SLC1A2: variants seen among roughly 807,000 people sequenced by gnomAD.
The protein encoded by SLC1A2 is excitatory amino acid transporter 2.
SLC1A2 carries 15 observed loss-of-function variants against 48.8 expected under a neutral mutation model. The ratio of observed to expected loss-of-function variants is 0.31; its 90% CI spans 0.21 to 0.47. The LOEUF is 0.47. SLC1A2 is among the 20% of genes least tolerant of loss of function. The probability of loss-of-function intolerance (pLI) is 0.99; values close to 1 mark genes in which losing one functional copy is unlikely to be tolerated. For missense variants in SLC1A2, 502 were observed against 730.5 expected (o/e 0.69, Z 3.61); for synonymous variants, 279 against 272.6 (o/e 1.02, Z -0.23).
At chr11:35,340,002 G>A (rs1590205470) in intron 1 of SLC1A2, among the ~76,000 whole-genome samples, 1 of 152,268 alleles carries the variant, frequency 6.6e-6, no homozygotes, top group Non-Finnish European at 1.5e-5. Context: ...ATCCCTCAAT[G>A]ACCCTAAAAT....
chr11:35,341,225 G>A lies in SLC1A2; in HGVS notation c.18-23709C>T, dbSNP rs115002516. Among the ~76,000 whole-genome samples, 444 of 152,252 alleles carry A rather than the reference G, an allele frequency of 2.9e-3. 3 individuals are homozygous for A. Among genetic ancestry groups the A allele is most frequent in the African/African-American group, 0.01 (425 of 41,544 alleles). On this transcript the variant is annotated intron_variant, in intron 1 of 10. Coordinates refer to ENST00000278379, the MANE Select transcript of SLC1A2 (RefSeq NM_004171.4). ...TTGCCTCCTAGGGAGGTCCCAGGCCGGAGAGGTAGAGGGGAGAAGTGGGGG... is the reference window on the plus strand; with the variant it reads ...TTGCCTCCTAGGGAGGTCCCAGGCCAGAGAGGTAGAGGGGAGAAGTGGGGG...
intron 6 of SLC1A2, among the ~76,000 whole-genome samples, chr11:35,294,478 G>A (rs114547056): frequency 0.011 from 1,708 of 152,174 alleles, 35 homozygotes; most frequent in African/African-American, 0.039. Context: ...AATTATCAAG[G>A]TAGTCTCAGG....
chr11:35,273,182 G>A (rs1369749621), intron 9 of SLC1A2, among the ~76,000 whole-genome samples: 1 of 152,186 alleles, frequency 6.6e-6, no homozygotes, highest in Non-Finnish European at 1.5e-5. Flanking sequence ...TGCCTCTCAG[G>A]ATGCATGGTG....
chr11:35,334,586 G>A (rs1414839795), intron 1 of SLC1A2, among the ~76,000 whole-genome samples: 2 of 152,182 alleles, frequency 1.3e-5, no homozygotes, highest in Non-Finnish European at 2.9e-5. Flanking sequence ...AATCATTGAT[G>A]ACTGACTAGC....
At chr11:35,339,850 G>A (rs1322955621) in intron 1 of SLC1A2, among the ~76,000 whole-genome samples, 2 of 152,162 alleles carry the variant, frequency 1.3e-5, no homozygotes, top group African/African-American at 4.8e-5. Context: ...TCTCAAATGA[G>A]AGGGTGACTC....
At chr11:35,356,148 T>C (rs771499376) in intron 1 of SLC1A2, among the ~76,000 whole-genome samples, 25 of 152,238 alleles carry the variant, frequency 1.6e-4, no homozygotes, top group Non-Finnish European at 3.2e-4. Flanking sequence ...TATAACTTTG[T>C]ACTTAGCTAC....
At chr11:35,320,995 A>C (rs775738377) in intron 1 of SLC1A2, among the ~76,000 whole-genome samples, 9 of 152,188 alleles carry the variant, frequency 5.9e-5, no homozygotes, top group Non-Finnish European at 1.3e-4. Context: ...CAAAGGAAAG[A>C]GGTTTGACTC....
intron 1 of SLC1A2, among the ~76,000 whole-genome samples, chr11:35,337,974 C>T (rs1565256436): frequency 6.6e-6 from 1 of 152,072 alleles, no homozygotes; most frequent in Non-Finnish European, 1.5e-5. Context: ...TAAATAATAA[C>T]AATATAATAA....
intron 4 of SLC1A2, among the ~76,000 whole-genome samples, chr11:35,306,678 C>A (rs1057395587): frequency 1.3e-5 from 2 of 152,120 alleles, no homozygotes; most frequent in African/African-American, 4.8e-5. Flanking sequence ...TCCCTTCGTC[C>A]TTCCCCTTTC....
At chr11:35,360,483 C>A (rs569717780) in intron 1 of SLC1A2, among the ~76,000 whole-genome samples, 63 of 152,328 alleles carry the variant, frequency 4.1e-4, no homozygotes, top group Non-Finnish European at 6.3e-4. Flanking sequence ...CTTCCAACCC[C>A]AGTGACCATT....
intron 8 of SLC1A2, among the ~76,000 whole-genome samples, chr11:35,282,088 G>T (rs1056253233): frequency 1.3e-5 from 2 of 152,008 alleles, no homozygotes; most frequent in African/African-American, 4.8e-5. Context: ...AAGGCCCCTG[G>T]AGAGCCTGTG....
At chr11:35,305,989 T>G in intron 5 of SLC1A2, 85 bp downstream of exon 5, 1 of 1,275,506 alleles carries the variant, frequency 7.8e-7, no homozygotes, top group South Asian at 1.3e-5. Flanking sequence ...AGAGGACAGC[T>G]GAGTCATCAG....
chr11:35,274,921 T>C (rs1169117317), intron 9 of SLC1A2, among the ~76,000 whole-genome samples: 1 of 152,150 alleles, frequency 6.6e-6, no homozygotes, highest in African/African-American at 2.4e-5. Context: ...TGTCAAGAGT[T>C]AACTCAAAAA....
intron 1 of SLC1A2, among the ~76,000 whole-genome samples, chr11:35,368,062 C>A (rs955450591): frequency 6.6e-6 from 1 of 152,156 alleles, no homozygotes; most frequent in Non-Finnish European, 1.5e-5. Flanking sequence ...AAAGTTTAAT[C>A]CTTGTCATAC....
At chr11:35,272,675 G>A (rs951127591) in intron 9 of SLC1A2, among the ~76,000 whole-genome samples, 2 of 152,162 alleles carry the variant, frequency 1.3e-5, no homozygotes, top group Non-Finnish European at 2.9e-5. Flanking sequence ...TGTCTTTCGC[G>A]TTGCCCTCAA....
intron 1 of SLC1A2, among the ~76,000 whole-genome samples, chr11:35,368,172 GC>G (rs1853924530): frequency 6.6e-6 from 1 of 152,136 alleles, no homozygotes; most frequent in Admixed American, 6.5e-5. Flanking sequence ...CATCTCATGT[GC>G]CCCCTAAAAT....
chr11:35,334,678 T>TAGAGCAATGACTAG lies in SLC1A2; in HGVS notation c.18-17176_18-17163dup, dbSNP rs564384980. ...CAGTAGCCCCAAGATTAGAACTCTC[T>TAGAGCAATGACTAG]AGAGCAATGACTAGAGAGCAATGCT... On this transcript the variant is annotated intron_variant, in intron 1 of 10. Coordinates refer to ENST00000278379, the MANE Select transcript of SLC1A2 (RefSeq NM_004171.4). 6.4e-3 allele frequency among the ~76,000 whole-genome samples: 980 copies of TAGAGCAATGACTAG among 152,286 alleles called. 5 individuals carry two copies. The highest frequency in any genetic ancestry group is 9.2e-3 in the Non-Finnish European group (626 of 68,014).
intron 1 of SLC1A2, among the ~76,000 whole-genome samples, chr11:35,401,904 A>AT (rs1855150806): frequency 6.6e-6 from 1 of 152,098 alleles, no homozygotes; most frequent in Admixed American, 6.5e-5. Context: ...GCCCTCTATG[A>AT]TGCTCCTGCC....
intron 1 of SLC1A2, among the ~76,000 whole-genome samples, chr11:35,373,227 C>G (rs376415536): frequency 3.9e-5 from 6 of 152,192 alleles, no homozygotes; most frequent in African/African-American, 1.4e-4. Context: ...ATGGTGGCCA[C>G]CCCTGCTCCT....
Sources: gnomAD v4.1 joint callset for allele counts (sites outside exome capture counted in the v4.1 genomes callset) on GRCh38, gnomAD v4.1.1 for gene constraint, MANE v1.5 for transcripts, NCBI Gene and HGNC (gene_info 2026-07-23, HGNC 2026-07-21) for gene names.